INPP4B: variants seen among roughly 807,000 people sequenced by gnomAD.
INPP4B encodes inositol polyphosphate 4-phosphatase type II.
A neutral mutation model predicts 122.5 loss-of-function variants in INPP4B; 55 were observed. That is an observed-to-expected ratio of 0.45 (90% CI 0.36 to 0.56). INPP4B has a LOEUF of 0.56. Ranked by LOEUF, INPP4B falls within the 20% of genes least tolerant of loss-of-function variation. The pLI is 0.00. For missense variants in INPP4B, 1,000 were observed against 1,097.7 expected (o/e 0.91, Z 1.26); for synonymous variants, 403 against 388.7 (o/e 1.04, Z -0.43).
chr4:142,597,917 A>C (rs2150281340), intron 2 of INPP4B, among the ~76,000 whole-genome samples: 1 of 152,322 alleles, frequency 6.6e-6, no homozygotes, highest in African/African-American at 2.4e-5. Context: ...TTCTAGTATA[A>C]AAAACAAAAC....
At chr4:142,328,370 A>G (rs984255887) in intron 7 of INPP4B, among the ~76,000 whole-genome samples, 6 of 152,222 alleles carry the variant, frequency 3.9e-5, no homozygotes, top group African/African-American at 1.4e-4. Context: ...TACATTTCAA[A>G]CCATAAGTCA....
At chr4:142,369,606 A>G (rs1469371709) in intron 7 of INPP4B, among the ~76,000 whole-genome samples, 1 of 149,310 alleles carries the variant, frequency 6.7e-6, no homozygotes, top group East Asian at 1.9e-4. Context: ...AAATAAATAA[A>G]TAAATAAATA....
At chr4:142,844,335 A>G (rs540960714) in intron 1 of INPP4B, among the ~76,000 whole-genome samples, 89 of 152,354 alleles carry the variant, frequency 5.8e-4, no homozygotes, top group African/African-American at 2.1e-3. Context: ...CTAGAATAAG[A>G]GCAGTATTTC....
chr4:142,066,830 C>A (rs911069922), intron 25 of INPP4B, among the ~76,000 whole-genome samples: 1 of 152,184 alleles, frequency 6.6e-6, no homozygotes, highest in African/African-American at 2.4e-5. Context: ...CCAGGAAGCT[C>A]GAACTGGATG....
At chr4:142,346,463 T>A (rs905721057) in intron 7 of INPP4B, among the ~76,000 whole-genome samples, 16 of 151,904 alleles carry the variant, frequency 1.1e-4, no homozygotes, top group African/African-American at 3.6e-4. Flanking sequence ...CTAGAAAAAG[T>A]GACATATTGA....
At chr4:142,698,335 T>C (rs149290776) in intron 2 of INPP4B, among the ~76,000 whole-genome samples, 4 of 152,124 alleles carry the variant, frequency 2.6e-5, no homozygotes, top group African/African-American at 9.6e-5. Context: ...ATCTTAGCAC[T>C]GAAAGGGTAG....
intron 2 of INPP4B, among the ~76,000 whole-genome samples, chr4:142,537,487 C>G (rs1413984145): frequency 2.2e-4 from 19 of 85,450 alleles, no homozygotes; most frequent in African/African-American, 7.1e-4. Context: ...CATACACATA[C>G]ATACACAAAC....
Position 142,821,556 on chromosome 4 carries a change from A to G in INPP4B, c.-254+24653T>C, listed in dbSNP as rs143662411. Among the ~76,000 whole-genome samples, 151 of 152,288 alleles carry G rather than the reference A, an allele frequency of 9.9e-4. 2 individuals carry two copies. In the East Asian group the frequency reaches 0.015, roughly 15 times the overall value. On this transcript the variant is annotated intron_variant, in intron 1 of 25. Coordinates refer to ENST00000262992, the MANE Select transcript of INPP4B (RefSeq NM_001101669.3). ...GGTATAGTTTATTTTTCAAATTGCC[A>G]TAACTATGTAGCCTTATTTAACATA...
chr4:142,173,859 T>C, intron 15 of INPP4B, 50 bp from the exon 16 acceptor site: 1 of 1,448,096 alleles, frequency 6.9e-7, no homozygotes, highest in African/African-American at 1.4e-5. Flanking sequence ...TAATGAATGT[T>C]CAGCCCTTAA....
chr4:142,258,345 T>G (rs1196515654), intron 11 of INPP4B, among the ~76,000 whole-genome samples: 3 of 151,036 alleles, frequency 2.0e-5, no homozygotes, highest in Admixed American at 6.6e-5. Context: ...AAGCCAAAAT[T>G]GACAAATGGG....
rs760400421 is a variant in INPP4B, at chr4:142,405,297, C to G, written c.164G>C (p.Arg55Pro). 6.2e-7 allele frequency: 1 copy of G among 1,612,578 alleles called. No homozygotes were observed. Among genetic ancestry groups the G allele is most frequent in the South Asian group, 1.1e-5 (1 of 91,038 alleles). The change falls in exon 6 of 26, where the codon CGT (arginine) becomes CCT (proline). Residue 55 changes from arginine (R) to proline (P), a missense_variant. Arg to Pro is a moderately radical substitution (Grantham distance 103, BLOSUM62 -2). Coordinates refer to ENST00000262992, the MANE Select transcript of INPP4B (RefSeq NM_001101669.3). ...CACCAGTGTATTCAGTTTACGATCACGGACAGGAGCCACGAGATCCTTGCA... is the reference window on the plus strand; with the variant it reads ...CACCAGTGTATTCAGTTTACGATCAGGGACAGGAGCCACGAGATCCTTGCA... ...LACKDLVAPV[R>P]DRKLNTLVQI...
chr4:142,799,015 T>C (rs2151085417), intron 1 of INPP4B, among the ~76,000 whole-genome samples: 1 of 151,882 alleles, frequency 6.6e-6, no homozygotes, highest in East Asian at 1.9e-4. Context: ...AGTACTGGAC[T>C]TTACCCATGA....
intron 5 of INPP4B, chr4:142,423,637 A>G: frequency 3.8e-6 from 1 of 266,090 alleles, no homozygotes; most frequent in Non-Finnish European, 7.4e-6. Flanking sequence ...ACCAGTACAT[A>G]TTGTTGTGAA....
At chr4:142,337,767 A>ATATATATTT (rs2151640982) in intron 7 of INPP4B, among the ~76,000 whole-genome samples, 5 of 88,018 alleles carry the variant, frequency 5.7e-5, no homozygotes, top group South Asian at 4.7e-4. Context: ...TATATATTTT[A>ATATATATTT]TATATATATT....
At chr4:142,566,996 T>C (rs1708486086) in intron 2 of INPP4B, among the ~76,000 whole-genome samples, 1 of 152,186 alleles carries the variant, frequency 6.6e-6, no homozygotes, top group Admixed American at 6.6e-5. Flanking sequence ...CAGAGCCTGG[T>C]CCATCTCAGA....
At chr4:142,162,141 C>T (rs1021218163) in intron 16 of INPP4B, among the ~76,000 whole-genome samples, 1 of 151,328 alleles carries the variant, frequency 6.6e-6, no homozygotes, top group Non-Finnish European at 1.5e-5. Flanking sequence ...CACATTGAAG[C>T]CACTTTGAAG....
chr4:142,099,998 T>A (rs1783775361), intron 23 of INPP4B, among the ~76,000 whole-genome samples: 2 of 152,128 alleles, frequency 1.3e-5, no homozygotes, highest in South Asian at 4.1e-4. Flanking sequence ...GACGGCTTGT[T>A]AAAACACACA....
intron 2 of INPP4B, among the ~76,000 whole-genome samples, chr4:142,479,607 A>G (rs1438759860): frequency 1.3e-5 from 2 of 152,146 alleles, no homozygotes; most frequent in Non-Finnish European, 2.9e-5. Context: ...TGGTACATAT[A>G]TACCATAGGA....
chr4:142,534,947 C>T (rs1828019191), intron 2 of INPP4B, among the ~76,000 whole-genome samples: 1 of 152,028 alleles, frequency 6.6e-6, no homozygotes, highest in Admixed American at 6.6e-5. Context: ...GAAAATAATA[C>T]AATTTGTTAT....
Sources: gnomAD v4.1 joint callset for allele counts (sites outside exome capture counted in the v4.1 genomes callset) on GRCh38, gnomAD v4.1.1 for gene constraint, MANE v1.5 for transcripts, NCBI Gene and HGNC (gene_info 2026-07-23, HGNC 2026-07-21) for gene names.